Variants in FRMD4A observed in about 807,000 individuals in gnomAD.
FRMD4A encodes FERM domain containing 4A.
In FRMD4A, 29 loss-of-function variants were observed where a neutral mutation model predicts 129.1. The ratio of observed to expected loss-of-function variants is 0.22; its 90% CI spans 0.17 to 0.31. The LOEUF (loss-of-function observed/expected upper bound fraction) is 0.31. Among genes scored for constraint, FRMD4A ranks in the 10% least tolerant of loss-of-function variants. The probability of loss-of-function intolerance (pLI) is 1.00; values close to 1 mark genes in which losing one functional copy is unlikely to be tolerated. For missense variants in FRMD4A, 1,272 were observed against 1,375.8 expected, an observed-to-expected ratio of 0.92 and a Z score of 1.19; for synonymous variants, 634 against 571.6, an observed-to-expected ratio of 1.11 and a Z score of -1.56.
chr10:14,000,966 C>T (rs937006633), intron 2 of FRMD4A, among the ~76,000 whole-genome samples: 17 of 152,154 alleles, frequency 1.1e-4, no homozygotes, highest in Admixed American at 2.0e-4. Context: ...TTTCAAGGAG[C>T]CTAAATAGTT....
At chr10:14,022,525 T>G (rs986204161) in intron 2 of FRMD4A, among the ~76,000 whole-genome samples, 7 of 152,216 alleles carry the variant, frequency 4.6e-5, no homozygotes, top group Non-Finnish European at 1.0e-4. Flanking sequence ...TAATGTTAAA[T>G]GTGATTTAAA....
intron 5 of FRMD4A, among the ~76,000 whole-genome samples, chr10:13,786,738 G>C (rs1014761469): frequency 6.6e-6 from 1 of 152,308 alleles, no homozygotes; most frequent in South Asian, 2.1e-4. Context: ...GCAAGGAAGA[G>C]AGAAAGCAAT....
At chr10:13,715,155 T>C (rs549260586) in intron 12 of FRMD4A, among the ~76,000 whole-genome samples, 11 of 152,324 alleles carry the variant, frequency 7.2e-5, no homozygotes, top group Non-Finnish European at 2.9e-5. Flanking sequence ...TTGATTGTTT[T>C]GGTTTTCATT....
chr10:13,775,235 G>T (rs1021123699), intron 6 of FRMD4A, among the ~76,000 whole-genome samples: 1 of 152,186 alleles, frequency 6.6e-6, no homozygotes, highest in Non-Finnish European at 1.5e-5. Flanking sequence ...GACTAAAAGT[G>T]CCCATCGAAC....
At chr10:14,095,780 C>T (rs930883222) in intron 2 of FRMD4A, among the ~76,000 whole-genome samples, 7 of 152,366 alleles carry the variant, frequency 4.6e-5, no homozygotes, top group African/African-American at 1.7e-4. Flanking sequence ...TTCCAAAACA[C>T]GACCCACTTC....
intron 2 of FRMD4A, among the ~76,000 whole-genome samples, chr10:14,170,078 T>A (rs767852589): frequency 6.6e-6 from 1 of 152,196 alleles, no homozygotes; most frequent in Non-Finnish European, 1.5e-5. Context: ...TCTAAGTGAC[T>A]TTAAGAGTTT....
intron 13 of FRMD4A, among the ~76,000 whole-genome samples, chr10:13,701,862 C>T (rs146426022): frequency 1.8e-4 from 27 of 152,286 alleles, no homozygotes; most frequent in African/African-American, 3.6e-4. Context: ...GGAAATGTGC[C>T]TACGGTGGGG....
At chr10:13,867,909 T>C (rs926473203) in intron 2 of FRMD4A, among the ~76,000 whole-genome samples, 1 of 141,482 alleles carries the variant, frequency 7.1e-6, no homozygotes, top group Non-Finnish European at 1.5e-5. Flanking sequence ...ATAATATATA[T>C]AATATAATAT....
intron 2 of FRMD4A, among the ~76,000 whole-genome samples, chr10:14,080,641 C>A (rs946327094): frequency 1.9e-4 from 29 of 151,920 alleles, no homozygotes; most frequent in African/African-American, 6.3e-4. Flanking sequence ...CAGAAGCGAT[C>A]TTGGAAGCCA....
chr10:13,993,117 A>G (rs2131432150), intron 2 of FRMD4A, among the ~76,000 whole-genome samples: 1 of 152,324 alleles, frequency 6.6e-6, no homozygotes, highest in East Asian at 1.9e-4. Context: ...ATCCGGCAAG[A>G]GACAGTGAGG....
At chr10:14,171,359 T>C (rs1246639429) in intron 2 of FRMD4A, among the ~76,000 whole-genome samples, 1 of 152,154 alleles carries the variant, frequency 6.6e-6, no homozygotes, top group East Asian at 1.9e-4. Context: ...TTGCATTATA[T>C]ATAAAAGGAA....
In FRMD4A at chr10:14,252,093, T is replaced by A. The variant is rs1178059342; in HGVS notation, c.45+77965A>T. On this transcript the variant is annotated intron_variant, in intron 2 of 24. Transcript: ENST00000357447. ...AAAGTTTCAAGAATAGAAAAACGAATGTCCAATGCCCTTATCCTAGATTCC... is the reference window on the plus strand; with the variant it reads ...AAAGTTTCAAGAATAGAAAAACGAAAGTCCAATGCCCTTATCCTAGATTCC... 2.0e-5 allele frequency among the ~76,000 whole-genome samples: 3 copies of A among 152,256 alleles called. 1 individual carries two copies.
At chr10:13,780,036 T>C (rs896625288) in intron 6 of FRMD4A, among the ~76,000 whole-genome samples, 6 of 152,086 alleles carry the variant, frequency 3.9e-5, no homozygotes, top group African/African-American at 1.4e-4. Flanking sequence ...TTTAAAATGT[T>C]CTTTTAGGGC....
intron 2 of FRMD4A, among the ~76,000 whole-genome samples, chr10:13,915,692 C>A (rs1176373371): frequency 6.8e-6 from 1 of 147,518 alleles, no homozygotes; most frequent in African/African-American, 2.5e-5. Flanking sequence ...AAAAAGTGGG[C>A]AGATTTTGTG....
intron 2 of FRMD4A, among the ~76,000 whole-genome samples, chr10:13,947,207 A>G (rs2131324428): frequency 6.6e-6 from 1 of 152,320 alleles, no homozygotes; most frequent in South Asian, 2.1e-4. Context: ...GGAATAGAGC[A>G]GTTGACTACG....
At chr10:14,275,699 C>T (rs1045592967) in intron 2 of FRMD4A, among the ~76,000 whole-genome samples, 1 of 152,138 alleles carries the variant, frequency 6.6e-6, no homozygotes, top group Admixed American at 6.6e-5. Flanking sequence ...TTAGGTAAAG[C>T]GTTAAGCCTT....
rs1034441094 is a variant in FRMD4A at position 14,095,693 on chromosome 10, G to A, written c.45+234365C>T. Among the ~76,000 whole-genome samples the A allele has an allele frequency of 4.6e-5, 7 of 152,318 alleles. No homozygotes were observed. In the South Asian group the frequency reaches 1.2e-3, roughly 27 times the overall value. ...GGATCGAATCCACGTTCAATAGGAA[G>A]CAATGAAACAAAGACCACATGTGCT... is the stretch of plus-strand genomic sequence containing the variant. On this transcript the variant is annotated intron_variant, in intron 2 of 24. Transcript: ENST00000357447.
At chr10:13,839,344 A>G (rs2093927058) in intron 3 of FRMD4A, among the ~76,000 whole-genome samples, 1 of 152,066 alleles carries the variant, frequency 6.6e-6, no homozygotes, top group Non-Finnish European at 1.5e-5. Context: ...GAAAATCACC[A>G]TTTATTTAAT....
chr10:14,186,149 G>GAAA (rs11460017), intron 2 of FRMD4A, among the ~76,000 whole-genome samples: 1 of 122,948 alleles, frequency 8.1e-6, no homozygotes, highest in Admixed American at 8.2e-5. Context: ...AAAAGAAAAA[G>GAAA]AAAAAAAAAA....
Sources: gnomAD v4.1 joint callset for allele counts (sites outside exome capture counted in the v4.1 genomes callset) on GRCh38, gnomAD v4.1.1 for gene constraint, MANE v1.5 for transcripts, NCBI Gene and HGNC (gene_info 2026-07-23, HGNC 2026-07-21) for gene names.